Variants in PRAG1 observed in about 807,000 individuals in gnomAD.
PRAG1 encodes the protein PEAK1 related, kinase-activating pseudokinase 1, also known as inactive tyrosine-protein kinase PRAG1.
A neutral mutation model predicts 95.6 loss-of-function variants in PRAG1; 110 were observed. The observed-to-expected ratio is 1.15, with a 90% CI of 0.99 to 1.35. PRAG1 has a LOEUF of 1.35. PRAG1 is among the 40% of genes most tolerant of loss of function. The pLI, the probability that PRAG1 is intolerant of heterozygous loss-of-function variation, is 0.00. For missense variants in PRAG1, 2,554 were observed against 1,864.7 expected (o/e 1.37, Z -6.81); for synonymous variants, 1,052 against 819.4 (o/e 1.28, Z -4.85).
At position 8,363,058 on chromosome 8, in the gene PRAG1, GATATAGAT is replaced by G. The variant is rs1263250275; in HGVS notation, c.2162+13181_2162+13188del. Among the ~76,000 whole-genome samples the G allele has an allele frequency of 1.1e-3, 156 of 147,470 alleles. 1 individual carries two copies. Among genetic ancestry groups the G allele is most frequent in the African/African-American group, 3.3e-3 (135 of 40,330 alleles). ...TAAAGTATAAAGATATATATATATA[GATATAGAT>G]ATATAGATATATATATGTGTGCGTG... On this transcript the variant is annotated intron_variant, in intron 3 of 5. Coordinates refer to ENST00000615670, the MANE Select transcript of PRAG1 (RefSeq NM_001080826.3).
rs183703737 is a variant in PRAG1 at position 8,345,321 on chromosome 8, G to C, written c.2163-5686C>G. On this transcript the variant is annotated intron_variant, in intron 3 of 5. Transcript: ENST00000615670. The stretch of plus-strand genomic sequence containing the variant: ...CGAGGTGGGAGGATCACTTGAGCCT[G>C]GAAGTTTGATACCAGCCTAAGCAAC... Among the ~76,000 whole-genome samples, 211 of 148,798 alleles carry C rather than the reference G, an allele frequency of 1.4e-3. 2 individuals are homozygous for C. Among genetic ancestry groups the C allele is most frequent in the East Asian group, 1.8e-3 (9 of 5,044 alleles).
At chr8:8,322,321 C>T (rs2117100993) in intron 5 of PRAG1, among the ~76,000 whole-genome samples, 1 of 152,236 alleles carries the variant, frequency 6.6e-6, no homozygotes, top group African/African-American at 2.4e-5. Flanking sequence ...GCTGGGATTA[C>T]AGGTGCCTGC....
chr8:8,379,613 A>G lies in PRAG1; in HGVS notation c.331-1535T>C, dbSNP rs1800565100. Among the ~76,000 whole-genome samples the G allele has an allele frequency of 1.3e-5, 2 of 152,252 alleles. 1 individual carries two copies. Among genetic ancestry groups the G allele is most frequent in the Admixed American group, 1.3e-4 (2 of 15,286 alleles). On this transcript the variant is annotated intron_variant, in intron 2 of 5. Coordinates refer to ENST00000615670, the MANE Select transcript of PRAG1 (RefSeq NM_001080826.3). The stretch of plus-strand genomic sequence containing the variant: ...TGATTTAGAATTGACCTTAGTTTTC[A>G]TATATGCTCACACAGCCTTCCTGAC...
chr8:8,318,257 C>T lies in PRAG1; in HGVS notation c.4118G>A (p.Arg1373His), dbSNP rs781036879. The T allele has an allele frequency of 5.0e-6, 8 of 1,614,070 alleles. No individual in the cohort carries two copies. The highest frequency in any genetic ancestry group is 2.2e-5 in the East Asian group (1 of 44,888). ...GTCCTCCAGCTCCACGCCCCGCCTG[C>T]GATCCACCGCCTTCTCCGCAAACTT... ...MMKFAEKAVDRRRGVELEDWL... is the reference protein window; with the variant it reads ...MMKFAEKAVDHRRGVELEDWL... Residue 1373 changes from arginine to histidine, a missense_variant, in exon 6 of 6, where the codon CGC (arginine) becomes CAC (histidine). Physicochemically the swap from Arg to His is conservative, Grantham distance 29 (BLOSUM62 0). Coordinates refer to ENST00000615670, the MANE Select transcript of PRAG1 (RefSeq NM_001080826.3). This position sits in a 1 kb window ranked among gnomAD's most constrained non-coding sequence, Gnocchi z 4.2.
intron 3 of PRAG1, among the ~76,000 whole-genome samples, chr8:8,345,092 T>TGTG (rs1491425198): frequency 2.3e-4 from 29 of 125,014 alleles, no homozygotes; most frequent in South Asian, 4.9e-4. Flanking sequence ...TGTGTGTGTG[T>TGTG]TAGGGAGGAA....
chr8:8,324,394 C>A (rs761744848), intron 5 of PRAG1, among the ~76,000 whole-genome samples: 14 of 152,162 alleles, frequency 9.2e-5, no homozygotes, highest in Non-Finnish European at 1.3e-4. Flanking sequence ...GTGCACTGGG[C>A]CTTTGGCAAG....
chr8:8,362,303 C>T (rs914241228), intron 3 of PRAG1, among the ~76,000 whole-genome samples: 6 of 152,200 alleles, frequency 3.9e-5, no homozygotes, highest in Admixed American at 2.6e-4. Flanking sequence ...CAAGCAACAC[C>T]GCATGGCTTG....
chr8:8,368,847 G>C (rs1331053231), intron 3 of PRAG1, among the ~76,000 whole-genome samples: 1 of 150,606 alleles, frequency 6.6e-6, no homozygotes, highest in Non-Finnish European at 1.5e-5. Context: ...AAAAAAAAAA[G>C]TGTTTAGATG....
intron 3 of PRAG1, among the ~76,000 whole-genome samples, chr8:8,342,384 G>A (rs979039648): frequency 2.0e-5 from 3 of 151,768 alleles, no homozygotes; most frequent in Admixed American, 6.6e-5. Flanking sequence ...TTTTAGTAGA[G>A]ACGGGGTTTC....
At chr8:8,373,410 G>A (rs567456311) in intron 3 of PRAG1, among the ~76,000 whole-genome samples, 15 of 149,698 alleles carry the variant, frequency 1.0e-4, no homozygotes, top group East Asian at 7.8e-4. Flanking sequence ...AAAATAAGAT[G>A]CTCTTGTTTT....
chr8:8,360,637 A>C (rs558461798), intron 3 of PRAG1, among the ~76,000 whole-genome samples: 22 of 152,264 alleles, frequency 1.4e-4, no homozygotes, highest in African/African-American at 5.3e-4. Flanking sequence ...TGTCTGGCCA[A>C]CTCTTAGTAA....
intron 2 of PRAG1, among the ~76,000 whole-genome samples, chr8:8,379,166 A>G (rs1463243088): frequency 6.6e-6 from 1 of 151,810 alleles, no homozygotes; most frequent in Non-Finnish European, 1.5e-5. Flanking sequence ...TCTGAACTGG[A>G]CCTGGGCTTC....
At chr8:8,359,790 G>A (rs1799791491) in intron 3 of PRAG1, among the ~76,000 whole-genome samples, 1 of 152,142 alleles carries the variant, frequency 6.6e-6, no homozygotes, top group Admixed American at 6.5e-5. Context: ...ATCTATCGCA[G>A]TTAACAAATT....
At chr8:8,353,043 A>G (rs1472120615) in intron 3 of PRAG1, among the ~76,000 whole-genome samples, 1 of 152,256 alleles carries the variant, frequency 6.6e-6, no homozygotes, top group Non-Finnish European at 1.5e-5. Flanking sequence ...CATATGTACA[A>G]ACATTAAAGT....
intron 5 of PRAG1, among the ~76,000 whole-genome samples, chr8:8,322,382 A>G (rs1230680927): frequency 6.6e-6 from 1 of 152,086 alleles, no homozygotes; most frequent in Non-Finnish European, 1.5e-5. Context: ...GGGTTTCACC[A>G]TGTTGCCCAG....
intron 4 of PRAG1, among the ~76,000 whole-genome samples, chr8:8,331,736 A>G (rs1271374822): frequency 6.6e-6 from 1 of 152,082 alleles, no homozygotes; most frequent in Admixed American, 6.5e-5. Flanking sequence ...CCCAGCACAA[A>G]AAACCCTTCG....
At chr8:8,323,548 A>C (rs1372180645) in intron 5 of PRAG1, among the ~76,000 whole-genome samples, 1 of 150,520 alleles carries the variant, frequency 6.6e-6, no homozygotes, top group Admixed American at 6.6e-5. Flanking sequence ...CTGGTCTTGA[A>C]CTCCTGACCT....
intron 3 of PRAG1, among the ~76,000 whole-genome samples, chr8:8,373,678 C>T (rs1800288556): frequency 6.6e-6 from 1 of 152,092 alleles, no homozygotes; most frequent in South Asian, 2.1e-4. Flanking sequence ...GTCTCAAAGT[C>T]CTGGGCTCAA....
At chr8:8,370,083 G>T (rs1032900252) in intron 3 of PRAG1, among the ~76,000 whole-genome samples, 2 of 152,210 alleles carry the variant, frequency 1.3e-5, no homozygotes, top group Non-Finnish European at 2.9e-5. Flanking sequence ...GCTAGCCTTA[G>T]TCAAGAATGT....
Sources: allele counts gnomAD v4.1 joint callset (sites outside exome capture counted in the v4.1 genomes callset), GRCh38; gene constraint gnomAD v4.1.1; non-coding constraint Gnocchi (gnomAD v3.1); transcripts MANE v1.5; gene names NCBI Gene and HGNC (gene_info 2026-07-23, HGNC 2026-07-21).